Variants in CNNM2 observed in about 807,000 individuals in gnomAD.
The protein encoded by CNNM2 is cyclin and CBS domain divalent metal cation transport mediator 2.
In CNNM2, 12 loss-of-function variants were observed where a neutral mutation model predicts 66.9. That is an observed-to-expected ratio of 0.18 (90% CI 0.11 to 0.29). CNNM2 has a LOEUF of 0.29. Among genes scored for constraint, CNNM2 ranks in the 10% least tolerant of loss-of-function variants. The pLI, the probability that CNNM2 is intolerant of heterozygous loss-of-function variation, is 1.00. For missense variants in CNNM2, 705 were observed against 1,167.7 expected (o/e 0.60, Z 5.77); for synonymous variants, 557 against 501.8 (o/e 1.11, Z -1.47).
intron 1 of CNNM2, among the ~76,000 whole-genome samples, chr10:103,025,642 G>A (rs541481272): frequency 6.6e-6 from 1 of 152,288 alleles, no homozygotes; most frequent in South Asian, 2.1e-4. Context: ...ATACAATAGT[G>A]CATGAATCAC....
At chr10:103,075,946 G>A in intron 6 of CNNM2, 140 bp from the exon 7 acceptor site, 2 of 753,750 alleles carry the variant, frequency 2.7e-6, no homozygotes, top group East Asian at 5.4e-5. Context: ...GATACCCTCT[G>A]GCATACTGTG....
chr10:102,973,662 C>A (rs1338224755), intron 1 of CNNM2, among the ~76,000 whole-genome samples: 2 of 152,026 alleles, frequency 1.3e-5, no homozygotes, highest in African/African-American at 4.8e-5. Context: ...TGGCCTTATG[C>A]AGTGACTTTT....
chr10:102,958,199 G>A (rs1271363431), intron 1 of CNNM2, among the ~76,000 whole-genome samples: 2 of 152,176 alleles, frequency 1.3e-5, no homozygotes, highest in African/African-American at 4.8e-5. Context: ...GCCTCCCAAA[G>A]TGCTGGGATT....
chr10:102,992,855 T>A (rs1282627363), intron 1 of CNNM2, among the ~76,000 whole-genome samples: 1 of 152,148 alleles, frequency 6.6e-6, no homozygotes, highest in African/African-American at 2.4e-5. Flanking sequence ...TTTCCTCACC[T>A]AGAAAATGAA....
At chr10:102,930,181 A>C (rs964614650) in intron 1 of CNNM2, among the ~76,000 whole-genome samples, 2 of 152,220 alleles carry the variant, frequency 1.3e-5, no homozygotes, top group Non-Finnish European at 2.9e-5. Context: ...AAAATTATAA[A>C]TGTGAACTAT....
chr10:103,068,451 A>G lies in CNNM2; in HGVS notation c.2074-178A>G, dbSNP rs1339074065. On this transcript the variant is annotated intron_variant, in intron 4 of 7. Transcript: ENST00000369878. ...GTATAATCAGCCAAATCCAGTTTTC[A>G]TATTTAAAGCGAATGAGCCCCCTCC... is the stretch of plus-strand genomic sequence containing the variant. 4.9e-6 allele frequency: 3 copies of G among 606,968 alleles called. No individual in the cohort carries two copies. Among genetic ancestry groups the G allele is most frequent in the East Asian group, 2.8e-5 (1 of 35,862 alleles). The allele number at this position is 606,968 out of a possible 1,614,324, so 37.6% of individuals were successfully genotyped here.
chr10:102,944,084 C>CTTTT (rs199757273), intron 1 of CNNM2, among the ~76,000 whole-genome samples: 1 of 135,302 alleles, frequency 7.4e-6, no homozygotes, highest in African/African-American at 2.7e-5. Context: ...TTTCATAATT[C>CTTTT]TTTTTTTTTT....
intron 1 of CNNM2, among the ~76,000 whole-genome samples, chr10:103,043,886 A>G (rs1302433740): frequency 6.6e-6 from 1 of 152,228 alleles, no homozygotes; most frequent in Non-Finnish European, 1.5e-5. Context: ...AGATTCCCTT[A>G]GGACCAGAAA....
intron 1 of CNNM2, among the ~76,000 whole-genome samples, chr10:103,036,121 C>T (rs2064933203): frequency 6.7e-6 from 1 of 150,228 alleles, no homozygotes; most frequent in Middle Eastern, 3.5e-3. Flanking sequence ...AGAAACAAAA[C>T]CAATAGGACA....
intron 1 of CNNM2, among the ~76,000 whole-genome samples, chr10:102,928,786 C>G (rs1226815750): frequency 3.9e-5 from 6 of 152,010 alleles, no homozygotes; most frequent in Non-Finnish European, 7.4e-5. Context: ...TAATCACTTC[C>G]CCCAAAGGCC....
At chr10:102,958,078 A>G (rs1847112697) in intron 1 of CNNM2, among the ~76,000 whole-genome samples, 1 of 152,152 alleles carries the variant, frequency 6.6e-6, no homozygotes, top group African/African-American at 2.4e-5. Context: ...CTGGGATTAC[A>G]GGCATGTGCC....
intron 1 of CNNM2, among the ~76,000 whole-genome samples, chr10:102,998,074 A>G (rs1442380030): frequency 6.6e-6 from 1 of 152,180 alleles, no homozygotes; most frequent in Non-Finnish European, 1.5e-5. Flanking sequence ...GTTAGAGTTA[A>G]CAAACTCTCT....
intron 1 of CNNM2, among the ~76,000 whole-genome samples, chr10:102,974,825 G>T (rs926433439): frequency 2.6e-5 from 4 of 152,182 alleles, no homozygotes; most frequent in African/African-American, 9.6e-5. Context: ...GTATGAGCCA[G>T]CATGCCCATG....
intron 6 of CNNM2, among the ~76,000 whole-genome samples, 180 bp from the exon 7 acceptor site, chr10:103,075,906 C>G (rs1481762633): frequency 1.3e-5 from 2 of 152,240 alleles, no homozygotes; most frequent in Non-Finnish European, 2.9e-5. Flanking sequence ...CCTGCTGGTA[C>G]AGGGAAGCCC....
At chr10:102,950,682 A>C (rs1198294428) in intron 1 of CNNM2, among the ~76,000 whole-genome samples, 1 of 152,078 alleles carries the variant, frequency 6.6e-6, no homozygotes, top group African/African-American at 2.4e-5. Flanking sequence ...TAAGCCCAGG[A>C]ATTCAAGGTT....
chr10:102,972,194 G>T (rs564897716), intron 1 of CNNM2, among the ~76,000 whole-genome samples: 3 of 152,156 alleles, frequency 2.0e-5, no homozygotes, highest in Non-Finnish European at 4.4e-5. Flanking sequence ...TCTTAATTCA[G>T]TGATTCCTAA....
At position 103,084,034 on chromosome 10, in the gene CNNM2, T is replaced by G. The variant is rs1040884481; in HGVS notation, c.*6854T>G. On this transcript the variant is annotated 3_prime_UTR_variant, in exon 8 of 8. Coordinates refer to ENST00000369878, the MANE Select transcript of CNNM2 (RefSeq NM_017649.5). ...TACACGTTCTTTTCCATCACTACTTTGTCTTCTGTTCCTTCTTACCCTCAT... is the reference window on the plus strand; with the variant it reads ...TACACGTTCTTTTCCATCACTACTTGGTCTTCTGTTCCTTCTTACCCTCAT... 1 of 152,236 alleles carries G rather than the reference T, an allele frequency of 6.6e-6. No homozygotes were observed. Among genetic ancestry groups the G allele is most frequent in the Non-Finnish European group, 1.5e-5 (1 of 68,048 alleles). The allele number at this position is 152,236 out of a possible 1,614,324, so 9.4% of individuals were successfully genotyped here. A position where few individuals can be genotyped will look rare whatever the true frequency, so the allele number is the denominator to read the frequency against.
chr10:102,973,959 C>G (rs1437199720), intron 1 of CNNM2, among the ~76,000 whole-genome samples: 1 of 152,210 alleles, frequency 6.6e-6, no homozygotes, highest in Non-Finnish European at 1.5e-5. Flanking sequence ...ATTCATCCAT[C>G]TCCATGCAAT....
At chr10:103,017,740 T>C (rs1417360720) in intron 1 of CNNM2, among the ~76,000 whole-genome samples, 1 of 151,214 alleles carries the variant, frequency 6.6e-6, no homozygotes, top group Non-Finnish European at 1.5e-5. Flanking sequence ...CTGAGGCAGG[T>C]GGATCACCTG....
Sources: gnomAD v4.1 joint callset for allele counts (sites outside exome capture counted in the v4.1 genomes callset) on GRCh38, gnomAD v4.1.1 for gene constraint, MANE v1.5 for transcripts, NCBI Gene and HGNC (gene_info 2026-07-23, HGNC 2026-07-21) for gene names.